DLAT: variants seen among roughly 807,000 people sequenced by gnomAD.
The protein encoded by DLAT is dihydrolipoamide S-acetyltransferase, also known as dihydrolipoyllysine-residue acetyltransferase component of pyruvate dehydrogenase complex, mitochondrial.
A neutral mutation model predicts 68.0 loss-of-function variants in DLAT; 43 were observed. The observed-to-expected ratio is 0.63, with a 90% CI of 0.50 to 0.81. The LOEUF is 0.81. DLAT is among the 40% of genes least tolerant of loss of function. The probability of loss-of-function intolerance (pLI) is 0.00; values close to 1 mark genes in which losing one functional copy is unlikely to be tolerated. For missense variants in DLAT, 745 were observed against 815.4 expected, an observed-to-expected ratio of 0.91 and a Z score of 1.05; for synonymous variants, 265 against 288.6, an observed-to-expected ratio of 0.92 and a Z score of 0.83.
chr11:112,039,504 A>T, intron 7 of DLAT, 107 bp downstream of exon 7: 1 of 1,149,474 alleles, frequency 8.7e-7, no homozygotes, highest in Non-Finnish European at 1.3e-6. Context: ...TAATTGGGAT[A>T]GTAGGGACAA....
At chr11:112,031,663 C>G (rs1240607469) in intron 4 of DLAT, among the ~76,000 whole-genome samples, 12 of 151,936 alleles carry the variant, frequency 7.9e-5, no homozygotes, top group African/African-American at 2.2e-4. Context: ...TAGCCTTGAC[C>G]TCCTGGCTCA....
At chr11:112,059,215 A>G (rs1347647834) in intron 11 of DLAT, among the ~76,000 whole-genome samples, 1 of 152,130 alleles carries the variant, frequency 6.6e-6, no homozygotes, top group Non-Finnish European at 1.5e-5. Flanking sequence ...CAGCCAATGT[A>G]CGTCCACTCA....
At chr11:112,035,124 A>G (rs73561966) in intron 5 of DLAT, among the ~76,000 whole-genome samples, 5,322 of 152,194 alleles carry the variant, frequency 0.035, 336 homozygotes, top group African/African-American at 0.12. Context: ...CAAAGATGTA[A>G]TGGGAGGTAC....
chr11:112,055,465 C>G lies in DLAT; in HGVS notation c.1514+4116C>G, dbSNP rs1206767183. 8.6e-5 allele frequency among the ~76,000 whole-genome samples: 13 copies of G among 151,810 alleles called. 1 individual carries two copies. Among genetic ancestry groups the G allele is most frequent in the Admixed American group, 5.3e-4 (8 of 15,232 alleles). ...TTCACCATGTTAGCCAGGATGGTCT[C>G]GATCTCCTGACATTGTGATCTGCCT... is the stretch of plus-strand genomic sequence containing the variant. On this transcript the variant is annotated intron_variant, in intron 11 of 13. Transcript: ENST00000280346.
Position 112,025,727 on chromosome 11 carries a change from T to G in DLAT, c.255T>G (p.Tyr85Ter). Reference protein sequence around the residue: ...LQLLGSPGRRYYSLPPHQKVP... With the variant: ...LQLLGSPGRR ...TTTTGGGGTCGCCCGGCCGCCGCTATTACAGTCTTCCCCCGCATCAGAAGG... is the reference window on the plus strand; with the variant it reads ...TTTTGGGGTCGCCCGGCCGCCGCTAGTACAGTCTTCCCCCGCATCAGAAGG... The change falls in exon 1 of 14, where the codon TAT becomes TAG. Residue 85 changes from tyrosine (Y) to a stop codon, truncating the protein, a stop_gained. Coordinates refer to ENST00000280346, the MANE Select transcript of DLAT (RefSeq NM_001931.5). LOFTEE classifies it high-confidence loss of function. 1 of 1,613,214 alleles carries G rather than the reference T, an allele frequency of 6.2e-7. No individual in the cohort carries two copies. The highest frequency in any genetic ancestry group is 8.5e-7 in the Non-Finnish European group (1 of 1,179,962).
At chr11:112,058,570 A>G (rs1864266453) in intron 11 of DLAT, among the ~76,000 whole-genome samples, 1 of 128,270 alleles carries the variant, frequency 7.8e-6, no homozygotes, top group African/African-American at 2.9e-5. Flanking sequence ...ACCACGGATA[A>G]AATCCATGAA....
At chr11:112,037,535 TC>T in intron 6 of DLAT, 75 bp downstream of exon 6, 1 of 1,419,098 alleles carries the variant, frequency 7.0e-7, no homozygotes, top group Non-Finnish European at 9.9e-7. Flanking sequence ...TTAGATGATA[TC>T]CTAGGTTCCT....
chr11:112,042,086 T>C (rs1555181036), intron 7 of DLAT, among the ~76,000 whole-genome samples: 2 of 152,220 alleles, frequency 1.3e-5, no homozygotes. Context: ...TTTGAAAAGA[T>C]CATTTTGGTT....
intron 10 of DLAT, among the ~76,000 whole-genome samples, chr11:112,047,757 C>A (rs1466574297): frequency 6.6e-6 from 1 of 152,102 alleles, no homozygotes; most frequent in Non-Finnish European, 1.5e-5. Context: ...TCAGGTTTGT[C>A]AAAAATCAGA....
At chr11:112,062,218 C>A (rs587729630) in intron 13 of DLAT, among the ~76,000 whole-genome samples, 188 bp from the exon 14 acceptor site, 277 of 152,280 alleles carry the variant, frequency 1.8e-3, no homozygotes, top group African/African-American at 6.4e-3. Flanking sequence ...CATTGCCCAC[C>A]CATACTCCAG....
chr11:112,031,003 GTT>G (rs1555179914), intron 4 of DLAT, among the ~76,000 whole-genome samples: 1 of 152,176 alleles, frequency 6.6e-6, no homozygotes, highest in East Asian at 1.9e-4. Context: ...GTGTGCATGT[GTT>G]AGGGTTTTAC....
rs1555179651 is a variant in DLAT, at chr11:112,028,564, A to G, written c.431A>G (p.Tyr144Cys). The G allele has an allele frequency of 6.2e-7, 1 of 1,614,146 alleles. No homozygotes were observed. Among genetic ancestry groups the G allele is most frequent in the Non-Finnish European group, 8.5e-7 (1 of 1,180,024 alleles). Residue 144 changes from tyrosine to cysteine, a missense_variant, in exon 3 of 14, where the codon TAT (tyrosine) becomes TGT (cysteine). By Grantham distance (194) the Tyr-to-Cys change is radical. Transcript: ENST00000280346. The part of the protein sequence containing the change: ...TVGFESLEEC[Y>C]MAKILVAEGT... ...GGATTTGAGAGCCTGGAGGAGTGTTATATGGCAAAGATACTTGTTGCTGAA... is the reference window on the plus strand; with the variant it reads ...GGATTTGAGAGCCTGGAGGAGTGTTGTATGGCAAAGATACTTGTTGCTGAA...
Position 112,061,168 on chromosome 11 carries a change from A to T in DLAT, c.1808A>T (p.Glu603Val). The T allele has an allele frequency of 2.5e-6, 4 of 1,613,922 alleles. No individual in the cohort carries two copies. Among genetic ancestry groups the T allele is most frequent in the Non-Finnish European group, 3.4e-6 (4 of 1,179,884 alleles). ...SEDKLVPADN[E>V]KGFDVASMMS... ...GATAAACTGGTCCCTGCAGATAATG[A>T]AAAAGGGTAAGTGCCAAAATGGAGG... Residue 603 changes from glutamate (E) to valine (V), a missense_variant, in exon 13 of 14, where the codon GAA becomes GTA. Physicochemically the swap from Glu to Val is moderately radical, Grantham distance 121. Coordinates refer to ENST00000280346, the MANE Select transcript of DLAT (RefSeq NM_001931.5).
At position 112,061,279 on chromosome 11, in the gene DLAT, C is replaced by T. The variant is rs1555183251; in HGVS notation, c.1814+105C>T. The T allele has an allele frequency of 2.7e-5, 33 of 1,222,934 alleles. 1 individual carries two copies. In the South Asian group the frequency reaches 3.1e-4, roughly 11 times the overall value. The allele number at this position is 1,222,934 out of a possible 1,614,324, so 75.8% of individuals were successfully genotyped here. A position where few individuals can be genotyped will look rare whatever the true frequency, so the allele number is the denominator to read the frequency against. ...TGGCTCCAGGAACCCCCTCAAATAT[C>T]GTGATCCACAATGCTCAAGTCCCTG... On this transcript the variant is annotated intron_variant, in intron 13 of 13. Transcript: ENST00000280346.
At position 112,028,851 on chromosome 11, in the gene DLAT, C is replaced by A. The variant is rs145146632; in HGVS notation, c.566C>A (p.Pro189Gln). Residue 189 changes from proline (P) to glutamine (Q), a missense_variant, in exon 4 of 14, where the codon CCA becomes CAA. Transcript: ENST00000280346. ...CTGGATTCCTCAGCAGCACCTACCC[C>A]ACAAGCGGCCCCAGCACCAACCCCT... is the stretch of plus-strand genomic sequence containing the variant. Reference protein sequence around the residue: ...YTLDSSAAPTPQAAPAPTPAA... With the variant: ...YTLDSSAAPTQQAAPAPTPAA... 1.5e-5 allele frequency: 25 copies of A among 1,614,076 alleles called. No individual in the cohort carries two copies. The highest frequency in any genetic ancestry group is 1.3e-5 in the Non-Finnish European group (15 of 1,180,044).
chr11:112,045,636 C>T (rs997259980), intron 9 of DLAT, among the ~76,000 whole-genome samples: 25 of 150,786 alleles, frequency 1.7e-4, no homozygotes, highest in African/African-American at 4.4e-4. Flanking sequence ...TGTGGTGAGC[C>T]GAGATCGCAC....
chr11:112,046,006 A>G, intron 10 of DLAT, 36 bp downstream of exon 10: 1 of 1,328,022 alleles, frequency 7.5e-7, no homozygotes, highest in Non-Finnish European at 1.1e-6. Flanking sequence ...TCTAAGTTAT[A>G]AAAATTTTGT....
At position 112,061,648 on chromosome 11, in the gene DLAT, G is replaced by A. The variant is rs370609815; in HGVS notation, c.1814+474G>A. ...GGCAGAAGTGCAGTGGTGCCATCTC[G>A]GCTCACTGCAATCCCCGCCTCCCAG... On this transcript the variant is annotated intron_variant, in intron 13 of 13. Transcript: ENST00000280346. 28 of 167,292 alleles carry A rather than the reference G, an allele frequency of 1.7e-4. No homozygotes were observed. The South Asian group carries it at 4.1e-3, about 24-fold the overall frequency. The allele number at this position is 167,292 out of a possible 1,614,324, so 10.4% of individuals were successfully genotyped here. A position where few individuals can be genotyped will look rare whatever the true frequency, so the allele number is the denominator to read the frequency against.
chr11:112,030,087 G>A (rs1555179845), intron 4 of DLAT: 3 of 865,346 alleles, frequency 3.5e-6, no homozygotes, highest in African/African-American at 3.4e-5. Context: ...GTCTGCGAAT[G>A]TCTCCTGGTA....
Sources: gnomAD v4.1 joint callset for allele counts (sites outside exome capture counted in the v4.1 genomes callset) on GRCh38, gnomAD v4.1.1 for gene constraint, MANE v1.5 for transcripts, NCBI Gene and HGNC (gene_info 2026-07-23, HGNC 2026-07-21) for gene names.